Variants in PEBP4 observed in about 807,000 individuals in gnomAD.
PEBP4 encodes the protein phosphatidylethanolamine binding protein 4.
In PEBP4, 22 loss-of-function variants were observed where a neutral mutation model predicts 23.9. That is an observed-to-expected ratio of 0.92 (90% CI 0.66 to 1.31). The LOEUF (loss-of-function observed/expected upper bound fraction) is 1.31, where lower values mean the gene tolerates loss of function less well. Among genes scored for constraint, PEBP4 ranks in the 40% most tolerant of loss-of-function variants. The pLI is 0.00. For synonymous variants in PEBP4, 112 were observed against 99.3 expected (o/e 1.13, Z -0.76); for missense variants, 324 against 281.7 (o/e 1.15, Z -1.07).
chr8:22,719,743 G>A (rs1804483044), intron 6 of PEBP4, among the ~76,000 whole-genome samples: 1 of 152,204 alleles, frequency 6.6e-6, no homozygotes, highest in Admixed American at 6.5e-5. Flanking sequence ...TGGGGTAGGG[G>A]TGATGGCCAC....
chr8:22,923,636 A>G (rs1355058518), intron 2 of PEBP4, among the ~76,000 whole-genome samples: 2 of 152,100 alleles, frequency 1.3e-5, no homozygotes, highest in Non-Finnish European at 2.9e-5. Flanking sequence ...GCTGCCCCTC[A>G]GTGAGTGCTA....
chr8:22,758,250 C>G (rs914738906), intron 4 of PEBP4: 5 of 152,214 alleles, frequency 3.3e-5, no homozygotes, highest in Non-Finnish European at 7.3e-5. Context: ...CATCTTCCCT[C>G]CGGTGACCCT....
intron 3 of PEBP4, among the ~76,000 whole-genome samples, chr8:22,889,600 C>G (rs933943791): frequency 7.9e-5 from 12 of 152,260 alleles, no homozygotes; most frequent in Non-Finnish European, 1.6e-4. Flanking sequence ...AGCTTAAAAG[C>G]CTCGTTTTGG....
At chr8:22,818,395 A>C (rs1806790920) in intron 3 of PEBP4, among the ~76,000 whole-genome samples, 1 of 152,182 alleles carries the variant, frequency 6.6e-6, no homozygotes, top group Non-Finnish European at 1.5e-5. Flanking sequence ...GAGAGGTGGG[A>C]AGTGTTCTGG....
At chr8:22,890,239 C>T (rs1236200127) in intron 3 of PEBP4, among the ~76,000 whole-genome samples, 1 of 152,180 alleles carries the variant, frequency 6.6e-6, no homozygotes, top group African/African-American at 2.4e-5. Flanking sequence ...CAGTAATGAA[C>T]ACTCAAGAGT....
At chr8:22,737,470 CGTGA>C (rs1804891462) in intron 4 of PEBP4, among the ~76,000 whole-genome samples, 1 of 152,162 alleles carries the variant, frequency 6.6e-6, no homozygotes, top group Admixed American at 6.5e-5. Flanking sequence ...ATGGTCTTTA[CGTGA>C]GTTAGTTCAC....
chr8:22,808,398 G>C (rs1347151197), intron 4 of PEBP4, among the ~76,000 whole-genome samples: 1 of 152,028 alleles, frequency 6.6e-6, no homozygotes, highest in Non-Finnish European at 1.5e-5. Context: ...ATTTCTTCAT[G>C]CCTTCATTAA....
chr8:22,862,495 T>C (rs1433993653), intron 3 of PEBP4, among the ~76,000 whole-genome samples: 1 of 152,114 alleles, frequency 6.6e-6, no homozygotes, highest in African/African-American at 2.4e-5. Flanking sequence ...AAACAGCAAC[T>C]TGTGTAGATC....
At chr8:22,760,573 G>T (rs762798801) in intron 4 of PEBP4, among the ~76,000 whole-genome samples, 46 of 152,074 alleles carry the variant, frequency 3.0e-4, no homozygotes, top group Non-Finnish European at 6.3e-4. Flanking sequence ...AGGATGGCAG[G>T]GGGGGCAGTT....
chr8:22,715,234 C>T (rs1804387300), intron 6 of PEBP4, among the ~76,000 whole-genome samples: 1 of 152,204 alleles, frequency 6.6e-6, no homozygotes, highest in African/African-American at 2.4e-5. Context: ...AAAGCCTCTC[C>T]CGGTGGAGGT....
At chr8:22,838,471 T>A (rs1369401380) in intron 3 of PEBP4, among the ~76,000 whole-genome samples, 1 of 152,236 alleles carries the variant, frequency 6.6e-6, no homozygotes, top group Non-Finnish European at 1.5e-5. Context: ...CTTGGGAGAC[T>A]CGAAGCCTCT....
At chr8:22,741,825 G>A (rs1805002109) in intron 4 of PEBP4, among the ~76,000 whole-genome samples, 1 of 152,216 alleles carries the variant, frequency 6.6e-6, no homozygotes, top group Non-Finnish European at 1.5e-5. Context: ...GGGGAACATC[G>A]CCTGTTTCAG....
Position 22,717,107 on chromosome 8 carries a change from T to C in PEBP4, c.518-3571A>G, listed in dbSNP as rs144761067. Among the ~76,000 whole-genome samples, 718 of 152,236 alleles carry C rather than the reference T, an allele frequency of 4.7e-3. 5 individuals are homozygous for C. The highest frequency in any genetic ancestry group is 8.4e-3 in the Non-Finnish European group (570 of 67,986). ...TGGGGTGCAGTGGCACTATCACCTC[T>C]CATTACAGCCTTGACCTCCCAGGCT... On this transcript the variant is annotated intron_variant, in intron 6 of 6. Transcript: ENST00000256404.
upstream of PEBP4, among the ~76,000 whole-genome samples, chr8:22,932,577 T>A (rs770174504): frequency 7.9e-5 from 12 of 152,070 alleles, no homozygotes; most frequent in Non-Finnish European, 1.6e-4. Flanking sequence ...GAACTAACTT[T>A]ATAGAAGCTC....
intron 6 of PEBP4, among the ~76,000 whole-genome samples, chr8:22,716,264 C>T (rs1025527574): frequency 6.6e-6 from 1 of 152,228 alleles, no homozygotes; most frequent in African/African-American, 2.4e-5. Context: ...GTGCTGTTCT[C>T]ATCCTGCATA....
At chr8:22,936,226 TGAG>T (rs200421820) in intron 1 of PEBP4, among the ~76,000 whole-genome samples, 1,531 of 151,292 alleles carry the variant, frequency 0.01, 27 homozygotes, top group African/African-American at 0.034. Flanking sequence ...AGAAATGAAG[TGAG>T]GAGATTACTC....
At chr8:22,833,806 C>T (rs1480832021) in intron 3 of PEBP4, among the ~76,000 whole-genome samples, 1 of 152,190 alleles carries the variant, frequency 6.6e-6, no homozygotes, top group Admixed American at 6.5e-5. Context: ...GGCTGGGCCC[C>T]ACTGGGTGGA....
chr8:22,742,537 C>A (rs1179031973), intron 4 of PEBP4, among the ~76,000 whole-genome samples: 2 of 152,188 alleles, frequency 1.3e-5, no homozygotes, highest in Admixed American at 1.3e-4. Context: ...GATGTGGTCA[C>A]CCCTCTGGGG....
chr8:22,866,734 A>T (rs1234942329), intron 3 of PEBP4, among the ~76,000 whole-genome samples: 1 of 152,190 alleles, frequency 6.6e-6, no homozygotes, highest in Non-Finnish European at 1.5e-5. Context: ...ATATGTCAAA[A>T]TGATGAGTGA....
Sources: allele counts gnomAD v4.1 joint callset (sites outside exome capture counted in the v4.1 genomes callset), GRCh38; gene constraint gnomAD v4.1.1; transcripts MANE v1.5; gene names NCBI Gene and HGNC (gene_info 2026-07-23, HGNC 2026-07-21).